SFRP1: variants seen among roughly 807,000 people sequenced by gnomAD.
SFRP1 encodes secreted frizzled related protein 1, also known as secreted frizzled-related protein 1.
In SFRP1, 9 loss-of-function variants were observed where a neutral mutation model predicts 25.9. The observed-to-expected ratio is 0.35, with a 90% confidence interval of 0.21 to 0.61. The LOEUF (loss-of-function observed/expected upper bound fraction) is 0.61, where lower values mean the gene tolerates loss of function less well. SFRP1 is among the 20% of genes least tolerant of loss of function. The pLI, the probability that SFRP1 is intolerant of heterozygous loss-of-function variation, is 0.78. For synonymous variants in SFRP1, 178 were observed against 174.0 expected, an observed-to-expected ratio of 1.02 and a Z score of -0.18; for missense variants, 346 against 418.2, an observed-to-expected ratio of 0.83 and a Z score of 1.51.
chr8:41,293,893 G>C (rs1803808609), intron 2 of SFRP1, among the ~76,000 whole-genome samples: 1 of 151,776 alleles, frequency 6.6e-6, no homozygotes, highest in Non-Finnish European at 1.5e-5. Context: ...CCACCAAGTA[G>C]CTGGGACCAC....
chr8:41,262,219 T>C lies in SFRP1; in HGVS notation c.*2948A>G, dbSNP rs1010886592. ...CTAGAGGAAACGGGAATTTCATCCA[T>C]GTCCTGTGTATCTGCTGGCAACAGG... On this transcript the variant is annotated 3_prime_UTR_variant, in exon 3 of 3. Coordinates refer to ENST00000220772, the MANE Select transcript of SFRP1 (RefSeq NM_003012.5). The C allele has an allele frequency of 3.3e-5, 5 of 152,300 alleles. No individual in the cohort carries two copies. The South Asian group carries it at 8.3e-4, about 25-fold the overall frequency. 9.4% of individuals were successfully genotyped at this position (152,300 alleles called of 1,614,324 possible).
chr8:41,265,148 C>G lies in SFRP1; in HGVS notation c.*19G>C, dbSNP rs577360177. On this transcript the variant is annotated 3_prime_UTR_variant, in exon 3 of 3. Transcript: ENST00000220772. ...CCCACCCCACCCGAGGCTCCCTCCC[C>G]ACCCTGCCCCCGGGAGAATCACTTA... 8 of 1,434,914 alleles carry G rather than the reference C, an allele frequency of 5.6e-6. No homozygotes were observed. The highest frequency in any genetic ancestry group is 7.6e-6 in the Non-Finnish European group (8 of 1,052,572). The allele number at this position is 1,434,914 out of a possible 1,614,324, so 88.9% of individuals were successfully genotyped here.
In SFRP1 at chr8:41,289,539, C is replaced by G. The variant is rs373906346; in HGVS notation, c.622+13922G>C. Among the ~76,000 whole-genome samples, 57 of 152,304 alleles carry G rather than the reference C, an allele frequency of 3.7e-4. 1 individual carries two copies. In the East Asian group the frequency reaches 0.01, roughly 28 times the overall value. On this transcript the variant is annotated intron_variant, in intron 2 of 2. Transcript: ENST00000220772. The stretch of plus-strand genomic sequence containing the variant: ...AGGTGGTAGAACCAGGCGCTGGGCT[C>G]ACGCCTGTACAGCTCCTAAGGCTAC...
chr8:41,272,734 A>G (rs903354311), intron 2 of SFRP1, among the ~76,000 whole-genome samples: 1 of 152,250 alleles, frequency 6.6e-6, no homozygotes, highest in Non-Finnish European at 1.5e-5. Context: ...TCAATCCAAG[A>G]GTTTCAACAT....
chr8:41,306,707 T>C, intron 1 of SFRP1: 1 of 1,597,068 alleles, frequency 6.3e-7, no homozygotes, highest in Non-Finnish European at 8.5e-7. Context: ...AGACCTGTCT[T>C]GGGAGGGTGA....
intron 2 of SFRP1, among the ~76,000 whole-genome samples, chr8:41,295,414 A>G (rs1238068444): frequency 6.6e-6 from 1 of 152,080 alleles, no homozygotes; most frequent in Non-Finnish European, 1.5e-5. Context: ...CTGTAATCCC[A>G]GGTACTCGGG....
chr8:41,297,886 G>A (rs190581799), intron 2 of SFRP1, among the ~76,000 whole-genome samples: 58 of 152,134 alleles, frequency 3.8e-4, no homozygotes, highest in Non-Finnish European at 7.8e-4. Context: ...AGGAGCACCC[G>A]ATGCCCCTTC....
intron 2 of SFRP1, among the ~76,000 whole-genome samples, chr8:41,302,286 A>G (rs779566531): frequency 5.0e-4 from 76 of 152,306 alleles, no homozygotes; most frequent in Admixed American, 1.6e-3. Context: ...TCCAGCTTCC[A>G]TCTTCATCCA....
chr8:41,290,886 C>CTTTTTTTTT lies in SFRP1; in HGVS notation c.622+12566_622+12574dup. On this transcript the variant is annotated intron_variant, in intron 2 of 2. Transcript: ENST00000220772. ...GTCTTCTTCTCCTCCTCTTCCTCGT[C>CTTTTTTTTT]TTTTTTTTTTTTTTTTTTTTTTTTT... is the stretch of plus-strand genomic sequence containing the variant. 5.9e-3 allele frequency among the ~76,000 whole-genome samples: 316 copies of CTTTTTTTTT among 53,858 alleles called. 117 individuals carry two copies. The highest frequency in any genetic ancestry group is 0.01 in the Non-Finnish European group (246 of 24,590). The allele number at this position is 53,858 out of a possible 152,430, so 35.3% of individuals were successfully genotyped here.
intron 2 of SFRP1, among the ~76,000 whole-genome samples, chr8:41,274,165 C>T (rs1175007257): frequency 6.6e-6 from 1 of 152,218 alleles, no homozygotes; most frequent in Non-Finnish European, 1.5e-5. Flanking sequence ...TTCTCCAATC[C>T]TGTGAACCAA....
chr8:41,290,136 AAC>A (rs1293446224), intron 2 of SFRP1, among the ~76,000 whole-genome samples: 3 of 152,350 alleles, frequency 2.0e-5, no homozygotes, highest in African/African-American at 7.2e-5. Context: ...TACACAGGCA[AAC>A]ACAGACACAA....
intron 2 of SFRP1, among the ~76,000 whole-genome samples, chr8:41,301,820 C>T (rs760957139): frequency 8.5e-5 from 13 of 152,186 alleles, no homozygotes; most frequent in South Asian, 2.1e-4. Context: ...GACTGGTTAT[C>T]GACATGAGAT....
intron 2 of SFRP1, among the ~76,000 whole-genome samples, chr8:41,276,274 A>G (rs569709229): frequency 6.6e-6 from 1 of 152,330 alleles, no homozygotes; most frequent in Non-Finnish European, 1.5e-5. Flanking sequence ...CTGAGGTCTG[A>G]GGCAGAAAGC....
intron 2 of SFRP1, among the ~76,000 whole-genome samples, chr8:41,275,660 G>A (rs1009627648): frequency 1.3e-5 from 2 of 151,478 alleles, no homozygotes; most frequent in Non-Finnish European, 2.9e-5. Flanking sequence ...ACACCGCCAC[G>A]CCCGGCTAAT....
In SFRP1 at chr8:41,264,922, T is replaced by C. The variant is rs577301038; in HGVS notation, c.*245A>G. On this transcript the variant is annotated 3_prime_UTR_variant, in exon 3 of 3. Transcript: ENST00000220772. ...CCTGTGCAGTGGCTGCTGCTCCACA[T>C]TGCGGATCTTAAAAACCTTCCTAAT... 2 of 471,160 alleles carry C rather than the reference T, an allele frequency of 4.2e-6. No individual in the cohort carries two copies. Among genetic ancestry groups the C allele is most frequent in the South Asian group, 7.5e-5 (2 of 26,620 alleles). 29.2% of individuals were successfully genotyped at this position (471,160 alleles called of 1,614,324 possible). A position where few individuals can be genotyped will look rare whatever the true frequency, so the allele number is the denominator to read the frequency against.
At chr8:41,286,373 C>T (rs1007307485) in intron 2 of SFRP1, among the ~76,000 whole-genome samples, 2 of 152,208 alleles carry the variant, frequency 1.3e-5, no homozygotes, top group African/African-American at 4.8e-5. Flanking sequence ...CCTCCCCCGC[C>T]GCACAAACAC....
At chr8:41,298,597 G>T (rs1803872621) in intron 2 of SFRP1, among the ~76,000 whole-genome samples, 1 of 151,902 alleles carries the variant, frequency 6.6e-6, no homozygotes, top group Non-Finnish European at 1.5e-5. Flanking sequence ...ATGGGGATGG[G>T]GTTTCACTAT....
At position 41,308,673 on chromosome 8, in the gene SFRP1, C is replaced by T. The variant is rs367671655; in HGVS notation, c.487G>A (p.Gly163Arg). Residue 163 changes from glycine (G) to arginine (R), a missense_variant, in exon 1 of 3, where the codon GGG becomes AGG. Physicochemically the swap from Gly to Arg is moderately radical, Grantham distance 125 (BLOSUM62 -2). Coordinates refer to ENST00000220772, the MANE Select transcript of SFRP1 (RefSeq NM_003012.5). The stretch of plus-strand genomic sequence containing the variant: ...GGCGTCATGGCGATGCAGACGTCCC[C>T]CTCGGGGAACTTGTCACACTTAAGC... ...EMLKCDKFPE[G>R]DVCIAMTPPN... 3.1e-6 allele frequency: 5 copies of T among 1,610,832 alleles called. No homozygotes were observed. In the African/African-American group the frequency reaches 4.0e-5, roughly 13 times the overall value.
At chr8:41,298,407 A>T (rs2117513565) in intron 2 of SFRP1, 1 of 102,726 alleles carries the variant, frequency 9.7e-6, no homozygotes, top group Non-Finnish European at 2.0e-5. Flanking sequence ...AGATATCCCA[A>T]TTACACAATT....
Sources: allele counts gnomAD v4.1 joint callset (sites outside exome capture counted in the v4.1 genomes callset), GRCh38; gene constraint gnomAD v4.1.1; transcripts MANE v1.5; gene names NCBI Gene and HGNC (gene_info 2026-07-23, HGNC 2026-07-21).